PCDHGA2: variants seen among roughly 807,000 people sequenced by gnomAD.
PCDHGA2 encodes the protein protocadherin gamma-A2.
Under a neutral mutation model 59.2 loss-of-function variants are expected in PCDHGA2, and 40 were observed. The observed-to-expected ratio is 0.68, with a 90% confidence interval of 0.52 to 0.88. The LOEUF (loss-of-function observed/expected upper bound fraction) is 0.88, where lower values mean the gene tolerates loss of function less well. Among genes scored for constraint, PCDHGA2 ranks in the 40% least tolerant of loss-of-function variants. The pLI, the probability that PCDHGA2 is intolerant of heterozygous loss-of-function variation, is 0.00. For synonymous variants in PCDHGA2, 560 were observed against 526.0 expected, an observed-to-expected ratio of 1.06 and a Z score of -0.89; for missense variants, 1,226 against 1,204.0, an observed-to-expected ratio of 1.02 and a Z score of -0.27.
At chr5:141,376,831 C>A in intron 1 of PCDHGA2, 1 of 256,752 alleles carries the variant, frequency 3.9e-6, no homozygotes, top group Non-Finnish European at 7.4e-6. Context: ...GGACTACAGG[C>A]GCCCGCCACC....
chr5:141,440,780 C>T (rs748247053), intron 1 of PCDHGA2: 1 of 152,158 alleles, frequency 6.6e-6, no homozygotes, highest in African/African-American at 2.4e-5. Flanking sequence ...GTGCTAGCAG[C>T]CTTAGACGGC....
intron 1 of PCDHGA2, chr5:141,423,313 G>T (rs1407028245): frequency 1.2e-6 from 2 of 1,614,184 alleles, no homozygotes; most frequent in Non-Finnish European, 1.7e-6. Context: ...GTACTTGGTG[G>T]TGGCGGTGGC....
At chr5:141,368,825 CTT>C (rs999838491) in intron 1 of PCDHGA2, among the ~76,000 whole-genome samples, 2 of 152,086 alleles carry the variant, frequency 1.3e-5, no homozygotes, top group African/African-American at 4.8e-5. Context: ...ACAATGAACA[CTT>C]GGCATTGTGT....
chr5:141,473,274 TA>T (rs2099318463), intron 1 of PCDHGA2, among the ~76,000 whole-genome samples: 1 of 152,210 alleles, frequency 6.6e-6, no homozygotes, highest in South Asian at 2.1e-4. Context: ...ATGCTATGAT[TA>T]TTTTACTATG....
At chr5:141,356,290 A>C in intron 1 of PCDHGA2, 1 of 1,555,814 alleles carries the variant, frequency 6.4e-7, no homozygotes, top group Non-Finnish European at 8.7e-7. Context: ...TTCCCCGGGT[A>C]CAGTAATTGC....
chr5:141,393,931 A>G (rs2092877378), intron 1 of PCDHGA2: 6 of 1,614,002 alleles, frequency 3.7e-6, no homozygotes, highest in Middle Eastern at 1.6e-4. Flanking sequence ...AGTGTGCATG[A>G]CCAAGACTCT....
intron 1 of PCDHGA2, chr5:141,410,110 C>A (rs1361292941): frequency 6.2e-7 from 1 of 1,612,540 alleles, no homozygotes; most frequent in Admixed American, 1.7e-5. Flanking sequence ...GCGACAGGGA[C>A]GCAGCCCGCC....
At chr5:141,482,572 T>C (rs1367788391) in intron 1 of PCDHGA2, among the ~76,000 whole-genome samples, 1 of 137,636 alleles carries the variant, frequency 7.3e-6, no homozygotes, top group Admixed American at 7.3e-5. Context: ...CTGCATAGCA[T>C]AAGATGCAGT....
In PCDHGA2 at chr5:141,385,618, A is replaced by C. The variant is rs1174442072; in HGVS notation, c.2424+44223A>C. 7.5e-6 allele frequency: 8 copies of C among 1,062,366 alleles called. No individual in the cohort carries two copies. The East Asian group carries it at 3.6e-4, about 48-fold the overall frequency. The allele number at this position is 1,062,366 out of a possible 1,614,324, so 65.8% of individuals were successfully genotyped here. A position where few individuals can be genotyped will look rare whatever the true frequency, so the allele number is the denominator to read the frequency against. On this transcript the variant is annotated intron_variant, in intron 1 of 3. Coordinates refer to ENST00000394576, the MANE Select transcript of PCDHGA2 (RefSeq NM_018915.4). ...CTTTCTTAACTCATATATTTTATAC[A>C]TTGGAATGAATCGAGTCTTTCATAT...
At position 141,512,348 on chromosome 5, in the gene PCDHGA2, G is replaced by C. The variant is rs1172891268; in HGVS notation, c.*1175G>C. 4 of 152,886 alleles carry C rather than the reference G, an allele frequency of 2.6e-5. No homozygotes were observed. The highest frequency in any genetic ancestry group is 9.6e-5 in the African/African-American group (4 of 41,462). The allele number at this position is 152,886 out of a possible 1,614,324, so 9.5% of individuals were successfully genotyped here. A position where few individuals can be genotyped will look rare whatever the true frequency, so the allele number is the denominator to read the frequency against. ...GGCCATTCTTAGTCCCTGGGTTGGG[G>C]AGGCAGGGAGCTAGGGCAGGGACCA... On this transcript the variant is annotated 3_prime_UTR_variant, in exon 4 of 4. Transcript: ENST00000394576.
intron 1 of PCDHGA2, among the ~76,000 whole-genome samples, chr5:141,463,318 C>A (rs2099056713): frequency 6.6e-6 from 1 of 151,878 alleles, no homozygotes; most frequent in East Asian, 1.9e-4. Flanking sequence ...ATATCTATTC[C>A]TCAACTCAGC....
In PCDHGA2 at chr5:141,490,363, C is replaced by T. The variant is rs779932482; in HGVS notation, c.2425-4444C>T. 10 of 1,614,036 alleles carry T rather than the reference C, an allele frequency of 6.2e-6. No individual in the cohort carries two copies. The highest frequency in any genetic ancestry group is 1.3e-5 in the African/African-American group (1 of 74,904). The stretch of plus-strand genomic sequence containing the variant: ...CACAGTAGTGGGGTTGTTTAATGTG[C>T]GAGACCGGGACTCAGGTAGAAATGG... On this transcript the variant is annotated intron_variant, in intron 1 of 3. Coordinates refer to ENST00000394576, the MANE Select transcript of PCDHGA2 (RefSeq NM_018915.4). The surrounding 1 kb of genome is among the most constrained non-coding windows in gnomAD (Gnocchi z 5.4).
chr5:141,418,637 T>A, intron 1 of PCDHGA2: 1 of 1,613,998 alleles, frequency 6.2e-7, no homozygotes. Context: ...TCCAGGCACC[T>A]CCATCCTGAG....
Position 141,494,855 on chromosome 5 carries a change from G to A in PCDHGA2, c.2473G>A (p.Gly825Ser), listed in dbSNP as rs200418116. The A allele has an allele frequency of 4.8e-4, 774 of 1,614,092 alleles. 7 individuals carry two copies. The South Asian group carries it at 5.1e-3, about 11-fold the overall frequency. ...GCGTTTCTCTCAGGCCCAGAGACCC[G>A]GCACCAGCGGGTAGGTGACTGATTC... is the stretch of plus-strand genomic sequence containing the variant. ...DWRFSQAQRP[G>S]TSGSQNGDDT... Residue 825 changes from glycine (G) to serine (S), a missense_variant, in exon 2 of 4, where the codon GGC becomes AGC. Coordinates refer to ENST00000394576, the MANE Select transcript of PCDHGA2 (RefSeq NM_018915.4).
At chr5:141,509,570 G>A (rs2099877371) in intron 3 of PCDHGA2, among the ~76,000 whole-genome samples, 1 of 152,232 alleles carries the variant, frequency 6.6e-6, no homozygotes, top group South Asian at 2.1e-4. Flanking sequence ...AGCCTTCACA[G>A]TGCGTACAAA....
chr5:141,374,030 T>G, intron 1 of PCDHGA2: 1 of 1,430,454 alleles, frequency 7.0e-7, no homozygotes. Context: ...GCAAAAGTGA[T>G]GCAGATCTGT....
At position 141,489,646 on chromosome 5, in the gene PCDHGA2, C is replaced by A. The variant is rs1274955075; in HGVS notation, c.2425-5161C>A. 1.2e-6 allele frequency: 2 copies of A among 1,614,186 alleles called. No homozygotes were observed. The highest frequency in any genetic ancestry group is 2.7e-5 in the African/African-American group (2 of 75,048). On this transcript the variant is annotated intron_variant, in intron 1 of 3. Coordinates refer to ENST00000394576, the MANE Select transcript of PCDHGA2 (RefSeq NM_018915.4). This position sits in a 1 kb window ranked among gnomAD's most constrained non-coding sequence, Gnocchi z 4.5. Reference sequence around the variant, plus strand: ...TGACAACTCTCCTAGCTTTGCCACCCCTGAGCGAGAGATGCGCATCTCAGA... The same window carrying A: ...TGACAACTCTCCTAGCTTTGCCACCACTGAGCGAGAGATGCGCATCTCAGA...
At chr5:141,394,742 G>A (rs752402821) in intron 1 of PCDHGA2, 5 of 1,613,300 alleles carry the variant, frequency 3.1e-6, no homozygotes, top group African/African-American at 1.3e-5. Flanking sequence ...AGAGCCTCGT[G>A]GTGGCCGTCC....
At chr5:141,357,746 GA>G in intron 1 of PCDHGA2, 1 of 1,173,014 alleles carries the variant, frequency 8.5e-7, no homozygotes, top group Admixed American at 2.8e-5. Context: ...TTGCTTTAAA[GA>G]AAACTGGTGG....
Sources: allele counts gnomAD v4.1 joint callset (sites outside exome capture counted in the v4.1 genomes callset), GRCh38; gene constraint gnomAD v4.1.1; non-coding constraint Gnocchi (gnomAD v3.1); transcripts MANE v1.5; gene names NCBI Gene and HGNC (gene_info 2026-07-23, HGNC 2026-07-21).